CHEK1: variants seen among roughly 807,000 people sequenced by gnomAD.
CHEK1 encodes checkpoint kinase 1.
In CHEK1, 32 loss-of-function variants were observed where a neutral mutation model predicts 60.2. The observed-to-expected ratio is 0.53, with a 90% CI of 0.40 to 0.71. CHEK1 has a LOEUF of 0.71. Ranked by LOEUF, CHEK1 falls within the 30% of genes least tolerant of loss-of-function variation. The probability of loss-of-function intolerance (pLI) is 0.00; values close to 1 mark genes in which losing one functional copy is unlikely to be tolerated. For synonymous variants in CHEK1, 179 were observed against 187.2 expected, an observed-to-expected ratio of 0.96 and a Z score of 0.36; for missense variants, 399 against 564.6, an observed-to-expected ratio of 0.71 and a Z score of 2.97.
At chr11:125,648,628 GT>G (rs1941595421) in intron 11 of CHEK1, among the ~76,000 whole-genome samples, 1 of 144,884 alleles carries the variant, frequency 6.9e-6, no homozygotes, top group African/African-American at 2.5e-5. Flanking sequence ...ACAGGAAATT[GT>G]TTTACTTTTT....
intron 11 of CHEK1, among the ~76,000 whole-genome samples, chr11:125,651,557 G>T (rs1029686797): frequency 1.3e-5 from 2 of 152,050 alleles, no homozygotes; most frequent in Non-Finnish European, 2.9e-5. Context: ...CCAAGTGTTG[G>T]GATTACAGGC....
At chr11:125,680,651 G>A (rs1257198947), downstream of CHEK1, 6 of 1,330,588 alleles carry the variant, frequency 4.5e-6, no homozygotes, top group African/African-American at 1.5e-5. Flanking sequence ...TGAGAGACTG[G>A]TCTTCCTTCT....
At chr11:125,636,534 G>A (rs925233486) in intron 7 of CHEK1, among the ~76,000 whole-genome samples, 6 of 151,954 alleles carry the variant, frequency 3.9e-5, no homozygotes, top group Admixed American at 1.3e-4. Flanking sequence ...ATTGCTTCCC[G>A]AAAGTTCGAA....
At chr11:125,669,239 C>T (rs943093784) in intron 13 of CHEK1, among the ~76,000 whole-genome samples, 3 of 152,132 alleles carry the variant, frequency 2.0e-5, no homozygotes, top group East Asian at 1.9e-4. Flanking sequence ...GTTGTGAATT[C>T]TCTTAGCTTT....
chr11:125,647,982 C>A (rs1003755071), intron 11 of CHEK1, among the ~76,000 whole-genome samples: 1 of 152,118 alleles, frequency 6.6e-6, no homozygotes, highest in African/African-American at 2.4e-5. Flanking sequence ...AATAGTAACT[C>A]TTCTAATCCA....
At chr11:125,662,773 CAT>C (rs2136079319) in intron 13 of CHEK1, among the ~76,000 whole-genome samples, 1 of 152,242 alleles carries the variant, frequency 6.6e-6, no homozygotes, top group East Asian at 1.9e-4. Context: ...ATATGGTAGT[CAT>C]ATGTTTAGTT....
At chr11:125,652,669 T>C (rs890844001) in intron 11 of CHEK1, among the ~76,000 whole-genome samples, 1 of 152,194 alleles carries the variant, frequency 6.6e-6, no homozygotes, top group Non-Finnish European at 1.5e-5. Flanking sequence ...ATATTACTCC[T>C]GTTATGGAGG....
rs1275492676 is a variant in CHEK1, at chr11:125,637,513, A to C, written c.783A>C (p.Lys261Asn). The C allele has an allele frequency of 6.2e-7, 1 of 1,611,056 alleles. No homozygotes were observed. The highest frequency in any genetic ancestry group is 1.3e-5 in the African/African-American group (1 of 74,820). Residue 261 changes from lysine (K) to asparagine (N), a missense_variant, in exon 8 of 13, where the codon AAA becomes AAC. Coordinates refer to ENST00000438015, the MANE Select transcript of CHEK1 (RefSeq NM_001114122.3). ...GAATTACCATTCCAGACATCAAAAA[A>C]GATAGATGGTACAACAAACCCCTCA... The part of the protein sequence containing the change: ...SARITIPDIK[K>N]DRWYNKPLKK...
intron 7 of CHEK1, 92 bp downstream of exon 7, chr11:125,635,625 A>G (rs1356849268): frequency 7.9e-6 from 6 of 763,450 alleles, no homozygotes; most frequent in Non-Finnish European, 1.2e-5. Context: ...TTTTTGTTTT[A>G]AACTTACAAA....
At chr11:125,626,630 A>G in intron 1 of CHEK1, 119 bp from the exon 2 acceptor site, 2 of 790,520 alleles carry the variant, frequency 2.5e-6, no homozygotes, top group Middle Eastern at 5.2e-4. Flanking sequence ...TGTGGATGAG[A>G]TAGAAGGGGA....
downstream of CHEK1, chr11:125,680,786 T>C: frequency 6.2e-7 from 1 of 1,613,364 alleles, no homozygotes; most frequent in Non-Finnish European, 8.5e-7. Context: ...TTCATCTGGA[T>C]TTAGGAAAAG....
At chr11:125,637,568 T>C in intron 8 of CHEK1, 24 bp downstream of exon 8, 1 of 1,544,272 alleles carries the variant, frequency 6.5e-7, no homozygotes, top group Non-Finnish European at 8.8e-7. Flanking sequence ...ACTACAAGTT[T>C]GTTTGTTTTT....
At chr11:125,661,264 G>T (rs1217507574), downstream of CHEK1, among the ~76,000 whole-genome samples, 2 of 151,558 alleles carry the variant, frequency 1.3e-5, no homozygotes, top group Non-Finnish European at 1.5e-5. Context: ...CACTGGATTT[G>T]CATTCTTTTC....
chr11:125,678,369 G>T, downstream of CHEK1: 1 of 1,540,764 alleles, frequency 6.5e-7, no homozygotes, highest in Non-Finnish European at 8.8e-7. Context: ...TTCCTATGGA[G>T]TTAGGCTAAT....
At chr11:125,635,965 A>G (rs1464195217) in intron 7 of CHEK1, 1 of 153,430 alleles carries the variant, frequency 6.5e-6, no homozygotes, top group Non-Finnish European at 1.4e-5. Context: ...GCTATTTGGT[A>G]TACCCTATTG....
chr11:125,665,865 T>TC (rs1256575972), intron 13 of CHEK1, among the ~76,000 whole-genome samples: 11 of 138,942 alleles, frequency 7.9e-5, no homozygotes, highest in Admixed American at 1.5e-4. Flanking sequence ...GGGTCTTCAT[T>TC]CCCCTTTTTT....
chr11:125,661,054 G>A (rs980015312), downstream of CHEK1, among the ~76,000 whole-genome samples: 6 of 152,242 alleles, frequency 3.9e-5, no homozygotes, highest in Admixed American at 3.9e-4. Context: ...GGGATTACAA[G>A]CGTGAGCCAC....
chr11:125,672,800 T>A, intron 13 of CHEK1: 2 of 1,542,140 alleles, frequency 1.3e-6, no homozygotes, highest in Non-Finnish European at 1.8e-6. Context: ...AGTGTCTCCA[T>A]GCAGGATGGT....
At position 125,655,805 on chromosome 11, in the gene CHEK1, A is replaced by T. The variant is rs1941887120; in HGVS notation, c.*485A>T. On this transcript the variant is annotated 3_prime_UTR_variant, in exon 13 of 13. Transcript: ENST00000438015. ...AAGCCAGCTTCAAAACATATCCCCA[A>T]GATTTGTACTTATATTTTCAAAAGG... 4.6e-6 allele frequency: 1 copy of T among 215,082 alleles called. No homozygotes were observed. The highest frequency in any genetic ancestry group is 9.4e-6 in the Non-Finnish European group (1 of 106,684). The allele number at this position is 215,082 out of a possible 1,614,324, so 13.3% of individuals were successfully genotyped here. A position where few individuals can be genotyped will look rare whatever the true frequency, so the allele number is the denominator to read the frequency against.
Sources: gnomAD v4.1 joint callset for allele counts (sites outside exome capture counted in the v4.1 genomes callset) on GRCh38, gnomAD v4.1.1 for gene constraint, MANE v1.5 for transcripts, NCBI Gene and HGNC (gene_info 2026-07-23, HGNC 2026-07-21) for gene names.